APC: variants seen among roughly 807,000 people sequenced by gnomAD.
The protein encoded by APC is adenomatous polyposis coli protein.
APC carries 72 observed loss-of-function variants against 247.0 expected under a neutral mutation model. The ratio of observed to expected loss-of-function variants is 0.29; its 90% CI spans 0.24 to 0.35. The LOEUF is 0.35. APC is among the 10% of genes least tolerant of loss of function. The pLI, the probability that APC is intolerant of heterozygous loss-of-function variation, is 1.00. For missense variants in APC, 3,400 were observed against 3,360.7 expected, an observed-to-expected ratio of 1.01 and a Z score of -0.29; for synonymous variants, 1,254 against 1,162.5, an observed-to-expected ratio of 1.08 and a Z score of -1.60.
At chr5:112,745,335 C>G (rs138934481) in intron 1 of APC, among the ~76,000 whole-genome samples, 12 of 151,956 alleles carry the variant, frequency 7.9e-5, no homozygotes, top group African/African-American at 2.9e-4. Context: ...TGAGACAGAT[C>G]TTTGAAGTAT....
chr5:112,841,562 A>T lies in APC; in HGVS notation c.5968A>T (p.Thr1990Ser), dbSNP rs587778032. ...TAAAGAAAATGAACCTATCAAAGAG[A>T]CTGAGCCCCCTGACTCACAGGGAGA... is the stretch of plus-strand genomic sequence containing the variant. The part of the protein sequence containing the change: ...NNKENEPIKE[T>S]EPPDSQGEPS... Residue 1990 changes from threonine to serine, a missense_variant, in exon 16 of 16, where the codon ACT (threonine) becomes TCT (serine). Physicochemically the swap from Thr to Ser is moderately conservative, Grantham distance 58 (BLOSUM62 1). Around this residue, in one of 9 missense-constraint regions of APC, gnomAD observed 1,788 missense variants for 1,649.5 expected, o/e 1.08. Coordinates refer to ENST00000257430, the MANE Select transcript of APC (RefSeq NM_000038.6). The surrounding 1 kb of genome is among the most constrained non-coding windows in gnomAD (Gnocchi z 4.6). 1.2e-6 allele frequency: 2 copies of T among 1,614,038 alleles called. No homozygotes were observed. Among genetic ancestry groups the T allele is most frequent in the Non-Finnish European group, 1.7e-6 (2 of 1,179,910 alleles).
At chr5:112,794,428 A>C (rs1248946565) in intron 7 of APC, among the ~76,000 whole-genome samples, 2 of 152,158 alleles carry the variant, frequency 1.3e-5, no homozygotes, top group Non-Finnish European at 2.9e-5. Context: ...TTTTGACCCC[A>C]GTTCTTTGAC....
rs1163442131 is a variant in APC, at chr5:112,707,867, G to A, written c.150G>A (p.Trp50Ter). ...GCGGCGCTCGTACTTCTGGCCACTG[G>A]GCGAGCGTCTGGCAGGTGAGTGAGG... Residue 50 changes from tryptophan to a stop codon, truncating the protein, a stop_gained, in exon 1 of 14, where the codon TGG becomes TGA. Transcript: ENST00000507379. LOFTEE classifies it high-confidence loss of function. 1.5e-6 allele frequency: 2 copies of A among 1,369,442 alleles called. No individual in the cohort carries two copies. The highest frequency in any genetic ancestry group is 1.9e-6 in the Non-Finnish European group (2 of 1,038,290). 84.8% of individuals were successfully genotyped at this position (1,369,442 alleles called of 1,614,324 possible). A position where few individuals can be genotyped will look rare whatever the true frequency, so the allele number is the denominator to read the frequency against.
At chr5:112,733,050 G>A (rs968081665), upstream of APC, among the ~76,000 whole-genome samples, 9 of 152,238 alleles carry the variant, frequency 5.9e-5, no homozygotes, top group African/African-American at 2.2e-4. Flanking sequence ...CAAAGTGAAA[G>A]ATTCAGAACT....
intron 3 of APC, 22 bp from the exon 4 acceptor site, chr5:112,767,167 A>G (rs1362977309): frequency 2.5e-6 from 4 of 1,586,372 alleles, no homozygotes; most frequent in Non-Finnish European, 3.5e-6. Flanking sequence ...GTTGTATAAA[A>G]ACTTGTTTCT....
At chr5:112,728,378 C>T (rs1448856333) in intron 1 of APC, among the ~76,000 whole-genome samples, 1 of 152,068 alleles carries the variant, frequency 6.6e-6, no homozygotes, top group Non-Finnish European at 1.5e-5. Context: ...ATGATCCGCC[C>T]ACCTCAGCCT....
At chr5:112,749,479 A>ATTTTTTTTT (rs536428390) in intron 1 of APC, among the ~76,000 whole-genome samples, 36 of 104,074 alleles carry the variant, frequency 3.5e-4, no homozygotes, top group African/African-American at 6.1e-4. Context: ...TACTGCTCCA[A>ATTTTTTTTT]TTTTTTTTTT....
At chr5:112,737,780 T>C (rs113017087), upstream of APC, 1,055 of 937,092 alleles carry the variant, frequency 1.1e-3, 15 homozygotes, top group African/African-American at 0.018. Context: ...ATCCGCTGGA[T>C]GCGGACCAGG....
intron 1 of APC, among the ~76,000 whole-genome samples, chr5:112,751,436 T>C (rs1754353716): frequency 6.6e-6 from 1 of 152,082 alleles, no homozygotes; most frequent in Non-Finnish European, 1.5e-5. Flanking sequence ...TAGGGAGAAA[T>C]GGCATTTTTA....
chr5:112,716,855 A>G (rs1367314626), intron 1 of APC, among the ~76,000 whole-genome samples: 4 of 152,188 alleles, frequency 2.6e-5, no homozygotes, highest in Non-Finnish European at 5.9e-5. Flanking sequence ...CTTTCTCTTT[A>G]TTATAGTTTG....
chr5:112,768,429 A>G (rs1368152412), intron 4 of APC, among the ~76,000 whole-genome samples: 1 of 151,304 alleles, frequency 6.6e-6, no homozygotes, highest in Non-Finnish European at 1.5e-5. Flanking sequence ...CTATTGAAGT[A>G]TATTCAGTAA....
At chr5:112,815,763 C>G (rs932619816) in intron 9 of APC, among the ~76,000 whole-genome samples, 170 bp downstream of exon 9, 3 of 152,098 alleles carry the variant, frequency 2.0e-5, no homozygotes, top group African/African-American at 7.2e-5. Flanking sequence ...TGGCAAAACC[C>G]CATCTCTACT....
chr5:112,730,006 C>G (rs1164466780), intron 1 of APC, among the ~76,000 whole-genome samples: 2 of 152,094 alleles, frequency 1.3e-5, no homozygotes, highest in Non-Finnish European at 2.9e-5. Flanking sequence ...TACGATAACC[C>G]CAAACTCTGT....
intron 2 of APC, among the ~76,000 whole-genome samples, chr5:112,755,472 A>G (rs189838083): frequency 1.3e-5 from 2 of 152,364 alleles, no homozygotes; most frequent in East Asian, 3.9e-4. Context: ...GGGAAGAGCC[A>G]TGAACTGAAA....
rs876659661 is a variant in APC at position 112,840,786 on chromosome 5, C to G, written c.5192C>G (p.Ala1731Gly). The G allele has an allele frequency of 6.2e-7, 1 of 1,613,970 alleles. No homozygotes were observed. The change falls in exon 16 of 16, where the codon GCT (alanine) becomes GGT (glycine). Residue 1731 changes from alanine to glycine, a missense_variant. Ala to Gly is a moderately conservative substitution (Grantham distance 60). Coordinates refer to ENST00000257430, the MANE Select transcript of APC (RefSeq NM_000038.6). This position sits in a 1 kb window ranked among gnomAD's most constrained non-coding sequence, Gnocchi z 4.1. ...GDILAECINS[A>G]MPKGKSHKPF... The stretch of plus-strand genomic sequence containing the variant: ...ATTCTTGCAGAATGCATTAATTCTG[C>G]TATGCCCAAAGGGAAAAGTCACAAG...
At chr5:112,731,787 A>C (rs1332784202) in intron 1 of APC, among the ~76,000 whole-genome samples, 2 of 152,160 alleles carry the variant, frequency 1.3e-5, no homozygotes, top group African/African-American at 4.8e-5. Flanking sequence ...TTTTAGACAG[A>C]GTCTTGCTCT....
At chr5:112,795,607 C>T (rs551853034) in intron 7 of APC, among the ~76,000 whole-genome samples, 2 of 152,112 alleles carry the variant, frequency 1.3e-5, no homozygotes, top group African/African-American at 4.8e-5. Flanking sequence ...CGAGAAATTC[C>T]AAGGGTATTT....
rs2149978841 is a variant in APC, at chr5:112,842,639, T to A, written c.7045T>A (p.Ser2349Thr). 1 of 1,613,968 alleles carries A rather than the reference T, an allele frequency of 6.2e-7. No homozygotes were observed. Among genetic ancestry groups the A allele is most frequent in the East Asian group, 2.2e-5 (1 of 44,884 alleles). The change falls in exon 16 of 16, where the codon TCA (serine) becomes ACA (threonine). Residue 2349 changes from serine (S) to threonine (T), a missense_variant. Ser to Thr is a moderately conservative substitution (Grantham distance 58). Around this residue, in one of 9 missense-constraint regions of APC, gnomAD observed 1,788 missense variants for 1,649.5 expected, o/e 1.08. Coordinates refer to ENST00000257430, the MANE Select transcript of APC (RefSeq NM_000038.6). ...PNKLSQLPRTSSPSTASTKSS... is the reference protein window; with the variant it reads ...PNKLSQLPRTTSPSTASTKSS... The stretch of plus-strand genomic sequence containing the variant: ...CAAATTATCTCAACTTCCAAGGACA[T>A]CATCCCCTAGTACTGCTTCAACTAA...
chr5:112,813,342 C>T (rs192215728), intron 8 of APC, among the ~76,000 whole-genome samples: 17 of 152,236 alleles, frequency 1.1e-4, no homozygotes, highest in African/African-American at 3.9e-4. Flanking sequence ...CTCACCTTGG[C>T]TTATAACATG....
Sources: allele counts gnomAD v4.1 joint callset (sites outside exome capture counted in the v4.1 genomes callset), GRCh38; gene constraint gnomAD v4.1.1; regional missense constraint gnomAD v4.1.1; non-coding constraint Gnocchi (gnomAD v3.1); transcripts MANE v1.5; gene names NCBI Gene and HGNC (gene_info 2026-07-23, HGNC 2026-07-21).